The following DMC1 variants were observed in gnomAD, a reference collection of about 807,000 sequenced individuals.
DMC1 encodes DNA meiotic recombinase 1, also known as meiotic recombination protein DMC1 homolog.
DMC1 carries 27 observed loss-of-function variants against 50.1 expected under a neutral mutation model. The ratio of observed to expected loss-of-function variants is 0.54; its 90% CI spans 0.40 to 0.74. The LOEUF (loss-of-function observed/expected upper bound fraction) is 0.74, where lower values mean the gene tolerates loss of function less well. DMC1 is among the 30% of genes least tolerant of loss of function. The pLI is 0.00. For missense variants in DMC1, 295 were observed against 420.2 expected (o/e 0.70, Z 2.60); for synonymous variants, 148 against 136.1 (o/e 1.09, Z -0.61).
chr22:38,554,166 C>G (rs769491127), intron 6 of DMC1, among the ~76,000 whole-genome samples: 1 of 151,704 alleles, frequency 6.6e-6, no homozygotes, highest in African/African-American at 2.4e-5. Context: ...AAAATAAAGA[C>G]CCCACCACAG....
rs11570381 is a variant in DMC1, at chr22:38,566,424, G to A, written c.243+166C>T. Among the ~76,000 whole-genome samples, 3,392 of 152,166 alleles carry A rather than the reference G, an allele frequency of 0.022. 47 individuals are homozygous for A. Among genetic ancestry groups the A allele is most frequent in the Non-Finnish European group, 0.037 (2,503 of 68,006 alleles). ...TACCTTCATCTTTCAGAAATCAATTGCTGTTGCTTTGAAACTGAAGTGATA... is the reference window on the plus strand; with the variant it reads ...TACCTTCATCTTTCAGAAATCAATTACTGTTGCTTTGAAACTGAAGTGATA... On this transcript the variant is annotated intron_variant, in intron 4 of 13. Coordinates refer to ENST00000216024, the MANE Select transcript of DMC1 (RefSeq NM_007068.4).
chr22:38,567,526 T>C lies in DMC1; in HGVS notation c.96+57A>G. On this transcript the variant is annotated intron_variant, in intron 3 of 13. Transcript: ENST00000216024. ...TATCCAGGCCCAAATGTCCATAAGG[T>C]TGATGCTGAGAAATCCTGAATCAGA... is the stretch of plus-strand genomic sequence containing the variant. The C allele has an allele frequency of 3.6e-6, 5 of 1,387,798 alleles. 1 individual carries two copies. Among genetic ancestry groups the C allele is most frequent in the Non-Finnish European group, 5.1e-6 (5 of 973,794 alleles). The allele number at this position is 1,387,798 out of a possible 1,614,324, so 86.0% of individuals were successfully genotyped here.
chr22:38,514,426 G>A (rs1252068854), downstream of DMC1, among the ~76,000 whole-genome samples: 1 of 151,568 alleles, frequency 6.6e-6, no homozygotes, highest in Non-Finnish European at 1.5e-5. Context: ...TGTATTTTTA[G>A]TAGAGACGGG....
intron 8 of DMC1, among the ~76,000 whole-genome samples, chr22:38,541,790 C>T (rs991156924): frequency 2.6e-5 from 4 of 152,014 alleles, no homozygotes; most frequent in Admixed American, 1.3e-4. Context: ...AATGTGACCG[C>T]GGGTGTAAAA....
intron 5 of DMC1, among the ~76,000 whole-genome samples, chr22:38,560,409 C>A (rs1381510239): frequency 1.3e-5 from 2 of 150,260 alleles, no homozygotes; most frequent in African/African-American, 4.9e-5. Context: ...ACTTTGGCTT[C>A]TTTTCTGAGT....
downstream of DMC1, among the ~76,000 whole-genome samples, chr22:38,517,650 TAC>T (rs1203427053): frequency 6.6e-6 from 1 of 152,138 alleles, no homozygotes; most frequent in Non-Finnish European, 1.5e-5. Flanking sequence ...ATTTAAAATA[TAC>T]ACAATGAATC....
intron 6 of DMC1, 73 bp downstream of exon 6, chr22:38,555,284 G>A (rs2090457897): frequency 1.1e-6 from 1 of 930,252 alleles, no homozygotes; most frequent in Middle Eastern, 2.2e-4. Flanking sequence ...AATTATATGT[G>A]TATGTATACA....
At chr22:38,553,071 C>T (rs2090430387) in intron 6 of DMC1, among the ~76,000 whole-genome samples, 2 of 151,824 alleles carry the variant, frequency 1.3e-5, no homozygotes, top group Admixed American at 1.3e-4. Flanking sequence ...TGGTCTCAAA[C>T]TCCTGAACTC....
chr22:38,517,461 C>T (rs145706727), downstream of DMC1, among the ~76,000 whole-genome samples: 2 of 151,798 alleles, frequency 1.3e-5, no homozygotes, highest in African/African-American at 4.8e-5. Context: ...CCTAGTTACT[C>T]GGGAGGCTGA....
chr22:38,563,243 T>A (rs1459872597), intron 4 of DMC1, among the ~76,000 whole-genome samples: 1 of 152,224 alleles, frequency 6.6e-6, no homozygotes, highest in Non-Finnish European at 1.5e-5. Flanking sequence ...ACTTATTGAC[T>A]GATTAAAAAG....
chr22:38,516,591 G>A (rs1366733261), downstream of DMC1, among the ~76,000 whole-genome samples: 2 of 149,938 alleles, frequency 1.3e-5, no homozygotes, highest in East Asian at 4.0e-4. Context: ...TTATAGGATA[G>A]TCAGATGTCG....
chr22:38,565,541 C>T (rs2090572750), intron 4 of DMC1, among the ~76,000 whole-genome samples: 1 of 152,246 alleles, frequency 6.6e-6, no homozygotes, highest in Non-Finnish European at 1.5e-5. Context: ...AAAACTGCCT[C>T]TGAGCTGCTA....
rs774001165 is a variant in DMC1, at chr22:38,537,574, T to C, written c.836+18A>G. 14 of 1,609,962 alleles carry C rather than the reference T, an allele frequency of 8.7e-6. 1 individual carries two copies. The South Asian group carries it at 1.3e-4, about 15-fold the overall frequency. ...ATATTAACCTCTGTGAAATAAAAAG[T>C]AGAATATTGGGGCTTACGTCATAGT... On this transcript the variant is annotated intron_variant, in intron 12 of 13. Transcript: ENST00000216024.
chr22:38,517,164 ATTAG>A (rs932975631), downstream of DMC1, among the ~76,000 whole-genome samples: 1 of 152,206 alleles, frequency 6.6e-6, no homozygotes, highest in Admixed American at 6.5e-5. Flanking sequence ...ATGGCTGTAG[ATTAG>A]TTAGTTTGCG....
chr22:38,564,839 T>G (rs2090565439), intron 4 of DMC1, among the ~76,000 whole-genome samples: 1 of 152,170 alleles, frequency 6.6e-6, no homozygotes, highest in African/African-American at 2.4e-5. Flanking sequence ...TGGAATTGAC[T>G]TGTGGGTACA....
intron 12 of DMC1, among the ~76,000 whole-genome samples, chr22:38,534,061 A>C (rs912036729): frequency 6.6e-6 from 1 of 152,204 alleles, no homozygotes; most frequent in Non-Finnish European, 1.5e-5. Flanking sequence ...ATAAAAGTCT[A>C]ACAAAGGTTG....
In DMC1 at chr22:38,552,670, G is replaced by A. The variant is rs2090425209; in HGVS notation, c.417C>T (p.Leu139=). 4 of 1,589,274 alleles carry A rather than the reference G, an allele frequency of 2.5e-6. No individual in the cohort carries two copies. Among genetic ancestry groups the A allele is most frequent in the Non-Finnish European group, 3.5e-6 (4 of 1,157,704 alleles). ...ATTGTTGTTATATATCCTTACCACAGAGGGTATGAGAAAGCTGGGTTTTTC... is the reference window on the plus strand; with the variant it reads ...ATTGTTGTTATATATCCTTACCACAAAGGGTATGAGAAAGCTGGGTTTTTC... ...RTGKTQLSHT[L]CVTAQLPGAG... Residue 139 remains leucine (L), a synonymous_variant, in exon 7 of 14, where the codon CTC becomes CTT. Coordinates refer to ENST00000216024, the MANE Select transcript of DMC1 (RefSeq NM_007068.4).
chr22:38,516,301 C>A (rs950073296), downstream of DMC1, among the ~76,000 whole-genome samples: 3 of 152,192 alleles, frequency 2.0e-5, no homozygotes, highest in African/African-American at 7.2e-5. Context: ...CATATTGAAA[C>A]CAGCTTCTCC....
chr22:38,538,445 G>A, intron 10 of DMC1, 36 bp from the exon 11 acceptor site: 1 of 1,607,022 alleles, frequency 6.2e-7, no homozygotes, highest in African/African-American at 1.3e-5. Context: ...ACATGCATTT[G>A]GAAATTGAAG....
Sources: gnomAD v4.1 joint callset for allele counts (sites outside exome capture counted in the v4.1 genomes callset) on GRCh38, gnomAD v4.1.1 for gene constraint, MANE v1.5 for transcripts, NCBI Gene and HGNC (gene_info 2026-07-23, HGNC 2026-07-21) for gene names.